The following ZBTB16 variants were observed in gnomAD, a reference collection of about 807,000 sequenced individuals.
ZBTB16 encodes the protein zinc finger and BTB domain-containing protein 16.
A neutral mutation model predicts 56.8 loss-of-function variants in ZBTB16; 8 were observed. The ratio of observed to expected loss-of-function variants is 0.14; its 90% CI spans 0.08 to 0.25. The LOEUF (loss-of-function observed/expected upper bound fraction) is 0.25. Ranked by LOEUF, ZBTB16 falls within the 10% of genes least tolerant of loss-of-function variation. ZBTB16 has a pLI of 1.00. For missense variants in ZBTB16, 625 were observed against 903.0 expected, an observed-to-expected ratio of 0.69 and a Z score of 3.95; for synonymous variants, 363 against 368.5, an observed-to-expected ratio of 0.98 and a Z score of 0.17.
intron 2 of ZBTB16, among the ~76,000 whole-genome samples, chr11:114,083,905 A>T (rs1939870258): frequency 2.0e-5 from 3 of 151,990 alleles, no homozygotes; most frequent in African/African-American, 7.3e-5. Flanking sequence ...TCCTCTCATG[A>T]TTCTTATAAC....
intron 2 of ZBTB16, among the ~76,000 whole-genome samples, chr11:114,065,264 T>C (rs1449352501): frequency 6.6e-6 from 1 of 152,242 alleles, no homozygotes; most frequent in East Asian, 1.9e-4. Flanking sequence ...CTGAACTAAA[T>C]GCCGCTTCAG....
intron 4 of ZBTB16, among the ~76,000 whole-genome samples, chr11:114,233,072 C>CGCGT (rs1944478632): frequency 6.4e-5 from 2 of 31,240 alleles, no homozygotes; most frequent in Non-Finnish European, 1.4e-4. Context: ...CGCATGCGCG[C>CGCGT]GCGCGCGCGC....
rs923931966 is a variant in ZBTB16, at chr11:114,251,190, C to A, written c.*635C>A. Among the ~76,000 whole-genome samples the A allele has an allele frequency of 5.3e-5, 8 of 152,184 alleles. No individual in the cohort carries two copies. In the South Asian group the frequency reaches 1.7e-3, roughly 32 times the overall value. ...TGAGAGCCTCAGGACCCCTGCCCCTCCTCCAGCTCTTTGTTCCCAGCCTCC... is the reference window on the plus strand; with the variant it reads ...TGAGAGCCTCAGGACCCCTGCCCCTACTCCAGCTCTTTGTTCCCAGCCTCC... On this transcript the variant is annotated 3_prime_UTR_variant, in exon 7 of 7. Transcript: ENST00000335953.
At chr11:114,095,775 G>A (rs1355345167) in intron 2 of ZBTB16, among the ~76,000 whole-genome samples, 1 of 152,194 alleles carries the variant, frequency 6.6e-6, no homozygotes, top group African/African-American at 2.4e-5. Context: ...TGGGTGCCGT[G>A]TTGACAAGGT....
chr11:114,210,201 G>GCGCGCA (rs1555156015), intron 4 of ZBTB16, among the ~76,000 whole-genome samples: 1 of 151,652 alleles, frequency 6.6e-6, no homozygotes, highest in Non-Finnish European at 1.5e-5. Flanking sequence ...GTGCGTGCGC[G>GCGCGCA]CGCGTGCACA....
At position 114,108,807 on chromosome 11, in the gene ZBTB16, A is replaced by C. The variant is rs559465471; in HGVS notation, c.1268+44239A>C. On this transcript the variant is annotated intron_variant, in intron 2 of 6. Coordinates refer to ENST00000335953, the MANE Select transcript of ZBTB16 (RefSeq NM_006006.6). Reference sequence around the variant, plus strand: ...GTTAGATGTTCAGCTCATGCTTTTAAGGTCGGTAGCTGGAAATCAAATGCA... The same window carrying C: ...GTTAGATGTTCAGCTCATGCTTTTACGGTCGGTAGCTGGAAATCAAATGCA... Among the ~76,000 whole-genome samples, 6 of 152,328 alleles carry C rather than the reference A, an allele frequency of 3.9e-5. No homozygotes were observed. In the South Asian group the frequency reaches 1.2e-3, roughly 32 times the overall value.
intron 3 of ZBTB16, among the ~76,000 whole-genome samples, chr11:114,186,046 G>C (rs1943353503): frequency 6.6e-6 from 1 of 152,154 alleles, no homozygotes; most frequent in African/African-American, 2.4e-5. Flanking sequence ...GAGAAAGACA[G>C]GGCCATAGGC....
chr11:114,224,507 G>A (rs1944293650), intron 4 of ZBTB16, among the ~76,000 whole-genome samples: 1 of 152,180 alleles, frequency 6.6e-6, no homozygotes, highest in Non-Finnish European at 1.5e-5. Context: ...AGGCATGTGG[G>A]TATACAGACG....
At chr11:114,126,411 A>G (rs1941509070) in intron 2 of ZBTB16, among the ~76,000 whole-genome samples, 2 of 152,160 alleles carry the variant, frequency 1.3e-5, no homozygotes, top group South Asian at 4.1e-4. Context: ...CAAGTTATTG[A>G]GGTGGTACTG....
chr11:114,237,995 G>C (rs1293701917), intron 4 of ZBTB16, among the ~76,000 whole-genome samples: 11 of 152,134 alleles, frequency 7.2e-5, no homozygotes, highest in African/African-American at 1.2e-4. Flanking sequence ...CCAGGAAGGG[G>C]AGAGAGACCA....
rs376003797 is a variant in ZBTB16 at position 114,064,336 on chromosome 11, T to C, written c.1036T>C (p.Leu346=). 4 of 1,613,970 alleles carry C rather than the reference T, an allele frequency of 2.5e-6. No individual in the cohort carries two copies. The African/African-American group carries it at 5.3e-5, about 22-fold the overall frequency. ...VLPNHKADAV[L]SMPSSVTSGL... ...GCCCAACCACAAGGCTGACGCTGTA[T>C]TGAGCATGCCGTCTTCCGTGACCTC... Residue 346 remains leucine (L), a synonymous_variant, in exon 2 of 7, where the codon TTG becomes CTG. Coordinates refer to ENST00000335953, the MANE Select transcript of ZBTB16 (RefSeq NM_006006.6). The surrounding 1 kb of genome is among the most constrained non-coding windows in gnomAD (Gnocchi z 4.2).
chr11:114,190,393 T>C (rs1243360790), intron 4 of ZBTB16, among the ~76,000 whole-genome samples: 1 of 152,210 alleles, frequency 6.6e-6, no homozygotes, highest in African/African-American at 2.4e-5. Flanking sequence ...CTACCTTAAA[T>C]GTGCTCAGAA....
At position 114,198,394 on chromosome 11, in the gene ZBTB16, T is replaced by C. The variant is rs138698050; in HGVS notation, c.1453+11356T>C. Among the ~76,000 whole-genome samples, 321 of 41,458 alleles carry C rather than the reference T, an allele frequency of 7.7e-3. 1 individual carries two copies. The highest frequency in any genetic ancestry group is 8.5e-3 in the Non-Finnish European group (194 of 22,806). 27.2% of individuals were successfully genotyped at this position (41,458 alleles called of 152,430 possible). ...ATGTTTGATGCCTAATATAGAGTTT[T>C]ATTTTCCAAGCACAGGGGCTCTCGG... is the stretch of plus-strand genomic sequence containing the variant. On this transcript the variant is annotated intron_variant, in intron 4 of 6. Transcript: ENST00000335953.
chr11:114,212,965 C>CA, intron 4 of ZBTB16, among the ~76,000 whole-genome samples: 2 of 152,132 alleles, frequency 1.3e-5, no homozygotes, highest in South Asian at 4.2e-4. Flanking sequence ...ATGGTCTGGA[C>CA]ATCCTTCTGA....
At chr11:114,123,492 T>C (rs1284700939) in intron 2 of ZBTB16, among the ~76,000 whole-genome samples, 1 of 152,172 alleles carries the variant, frequency 6.6e-6, no homozygotes, top group Non-Finnish European at 1.5e-5. Flanking sequence ...TATACACATA[T>C]GTACAGGCAT....
rs118172596 is a variant in ZBTB16, at chr11:114,082,813, G to A, written c.1268+18245G>A. On this transcript the variant is annotated intron_variant, in intron 2 of 6. Coordinates refer to ENST00000335953, the MANE Select transcript of ZBTB16 (RefSeq NM_006006.6). ...GGATCAAAGGAAGTGACACTCTGAAGCTGGTCTGCCGGACTGTTACCCGTC... is the reference window on the plus strand; with the variant it reads ...GGATCAAAGGAAGTGACACTCTGAAACTGGTCTGCCGGACTGTTACCCGTC... Among the ~76,000 whole-genome samples, 342 of 152,238 alleles carry A rather than the reference G, an allele frequency of 2.2e-3. 11 individuals carry two copies. The East Asian group carries it at 0.057, about 25-fold the overall frequency.
chr11:114,211,861 G>A (rs1031988795), intron 4 of ZBTB16, among the ~76,000 whole-genome samples: 19 of 152,174 alleles, frequency 1.2e-4, no homozygotes, highest in Admixed American at 7.2e-4. Flanking sequence ...GGCCTGGTTC[G>A]GGATTATGGC....
At chr11:114,094,909 C>T (rs981575725) in intron 2 of ZBTB16, among the ~76,000 whole-genome samples, 3 of 152,242 alleles carry the variant, frequency 2.0e-5, no homozygotes, top group African/African-American at 7.2e-5. Context: ...ATCCTTCAAC[C>T]AGCTTATGTG....
At chr11:114,139,528 A>T (rs1445027456) in intron 2 of ZBTB16, among the ~76,000 whole-genome samples, 1 of 151,620 alleles carries the variant, frequency 6.6e-6, no homozygotes. Flanking sequence ...ATATTAAACA[A>T]ATATCTCTAA....
Sources: gnomAD v4.1 joint callset for allele counts (sites outside exome capture counted in the v4.1 genomes callset) on GRCh38, gnomAD v4.1.1 for gene constraint, Gnocchi (gnomAD v3.1) non-coding constraint, MANE v1.5 for transcripts, NCBI Gene and HGNC (gene_info 2026-07-23, HGNC 2026-07-21) for gene names.